The following ABCB4 variants were observed in gnomAD, a reference collection of about 807,000 sequenced individuals.
The protein encoded by ABCB4 is phosphatidylcholine translocator ABCB4.
A neutral mutation model predicts 145.7 loss-of-function variants in ABCB4; 76 were observed. The observed-to-expected ratio is 0.52, with a 90% CI of 0.43 to 0.63. ABCB4 has a LOEUF of 0.63. ABCB4 is among the 30% of genes least tolerant of loss of function. The pLI is 0.00. For missense variants in ABCB4, 1,234 were observed against 1,553.1 expected (o/e 0.79, Z 3.45); for synonymous variants, 517 against 566.8 (o/e 0.91, Z 1.25).
chr7:87,439,634 T>C (rs112053359), intron 14 of ABCB4, 33 bp downstream of exon 14: 1 of 1,613,384 alleles, frequency 6.2e-7, no homozygotes, highest in Non-Finnish European at 8.5e-7. Context: ...GGTTTCAATG[T>C]GGTGGTCCTT....
intron 14 of ABCB4, among the ~76,000 whole-genome samples, chr7:87,433,669 G>GTTTTTTTTTTTTTTTTTTTTTTTTTTTTT: frequency 8.1e-6 from 1 of 124,052 alleles, no homozygotes; most frequent in Non-Finnish European, 1.6e-5. Context: ...ACAAAAAATT[G>GTTTTTTTTTTTTTTTTTTTTTTTTTTTTT]TTGTTGTTTT....
intron 7 of ABCB4, among the ~76,000 whole-genome samples, chr7:87,450,376 TCTA>T (rs1811631651): frequency 1.3e-5 from 2 of 152,252 alleles, no homozygotes; most frequent in Admixed American, 1.3e-4. Flanking sequence ...AAGTTCCACA[TCTA>T]CTGTTTTTCT....
intron 22 of ABCB4, 60 bp downstream of exon 22, chr7:87,413,557 G>T: frequency 2.8e-6 from 3 of 1,079,762 alleles, no homozygotes; most frequent in South Asian, 1.2e-5. Flanking sequence ...ATCTTTTTGG[G>T]ACAATAATTC....
chr7:87,420,334 T>C (rs1389364825), intron 18 of ABCB4, among the ~76,000 whole-genome samples: 1 of 152,116 alleles, frequency 6.6e-6, no homozygotes, highest in African/African-American at 2.4e-5. Flanking sequence ...TTCAATCAGA[T>C]TGAGCTCTGA....
downstream of ABCB4, chr7:87,399,418 G>C (rs1480487333): frequency 6.6e-6 from 1 of 152,276 alleles, no homozygotes; most frequent in Non-Finnish European, 1.5e-5. Flanking sequence ...TGTGGCTGCA[G>C]TGAGCTGTGA....
intron 15 of ABCB4, among the ~76,000 whole-genome samples, chr7:87,429,061 G>A (rs959242737): frequency 1.3e-4 from 20 of 152,212 alleles, no homozygotes; most frequent in African/African-American, 4.8e-4. Flanking sequence ...CAAAACAAGG[G>A]TGAATGAAAA....
chr7:87,432,368 A>T (rs1810301325), intron 14 of ABCB4, among the ~76,000 whole-genome samples: 2 of 152,362 alleles, frequency 1.3e-5, no homozygotes, highest in South Asian at 4.1e-4. Flanking sequence ...ATCAAACCAC[A>T]TCATTAGGAT....
At chr7:87,409,466 A>C in intron 23 of ABCB4, 74 bp from the exon 24 acceptor site, 1 of 1,458,600 alleles carries the variant, frequency 6.9e-7, no homozygotes. Flanking sequence ...CTAAAGGTAT[A>C]GTGCTTACCA....
the ABCB4 span, among the ~76,000 whole-genome samples, chr7:87,372,108 T>C: frequency 8.5e-5 from 13 of 152,086 alleles, no homozygotes; most frequent in African/African-American, 3.1e-4. Context: ...ACAAGTGAGG[T>C]TGAGCATTTT....
At chr7:87,392,525 G>T in the ABCB4 span, 21 of 1,517,754 alleles carry the variant, frequency 1.4e-5, no homozygotes, top group Non-Finnish European at 1.6e-5. Context: ...GTTGGGTTTT[G>T]CACAGTGTGT....
At chr7:87,453,170 T>C in intron 5 of ABCB4, 35 bp from the exon 6 acceptor site, 1 of 1,591,904 alleles carries the variant, frequency 6.3e-7, no homozygotes, top group Non-Finnish European at 8.6e-7. Context: ...TTAAATACCT[T>C]CTCTTTTCTT....
intron 2 of ABCB4, among the ~76,000 whole-genome samples, chr7:87,474,764 C>T (rs1386674875): frequency 6.6e-6 from 1 of 152,128 alleles, no homozygotes; most frequent in East Asian, 1.9e-4. Flanking sequence ...CCAGGGGAAC[C>T]GAGAAAGACA....
At chr7:87,384,544 A>T in the ABCB4 span, among the ~76,000 whole-genome samples, 2 of 152,200 alleles carry the variant, frequency 1.3e-5, no homozygotes, top group Non-Finnish European at 2.9e-5. Context: ...AACAACAAAA[A>T]AGATTATTTG....
At chr7:87,375,780 T>C in the ABCB4 span, 2 of 1,612,102 alleles carry the variant, frequency 1.2e-6, no homozygotes, top group Non-Finnish European at 1.7e-6. Flanking sequence ...TCTTTTGATG[T>C]ATTGTATTTC....
downstream of ABCB4, among the ~76,000 whole-genome samples, chr7:87,400,740 C>G (rs1807745033): frequency 6.6e-6 from 1 of 152,210 alleles, no homozygotes; most frequent in African/African-American, 2.4e-5. Context: ...TTTAGGATTT[C>G]TGGACTTGGG....
the ABCB4 span, among the ~76,000 whole-genome samples, chr7:87,396,034 G>T: frequency 6.6e-6 from 1 of 152,160 alleles, no homozygotes; most frequent in Admixed American, 6.5e-5. Flanking sequence ...ACTATGTCCA[G>T]ATGTACATGA....
chr7:87,388,989 A>C, the ABCB4 span, among the ~76,000 whole-genome samples: 1 of 152,230 alleles, frequency 6.6e-6, no homozygotes, highest in Admixed American at 6.5e-5. Flanking sequence ...TCTCAAAAGA[A>C]GACATTTATG....
chr7:87,411,273 C>T (rs994396504), intron 23 of ABCB4, among the ~76,000 whole-genome samples: 1 of 152,036 alleles, frequency 6.6e-6, no homozygotes, highest in Non-Finnish European at 1.5e-5. Context: ...CAGAAACATA[C>T]CAAATGATCT....
the ABCB4 span, among the ~76,000 whole-genome samples, chr7:87,366,784 T>C: frequency 6.6e-6 from 1 of 152,152 alleles, no homozygotes; most frequent in Non-Finnish European, 1.5e-5. Context: ...ATTTAATTTG[T>C]CTTTTCTCTA....
Sources: allele counts gnomAD v4.1 joint callset (sites outside exome capture counted in the v4.1 genomes callset), GRCh38; gene constraint gnomAD v4.1.1; transcripts MANE v1.5; gene names NCBI Gene and HGNC (gene_info 2026-07-23, HGNC 2026-07-21).